Variants in PKHD1 observed in about 807,000 individuals in gnomAD.
PKHD1 encodes PKHD1 ciliary IPT domain containing fibrocystin/polyductin.
Under a neutral mutation model 412.0 loss-of-function variants are expected in PKHD1, and 291 were observed. The ratio of observed to expected loss-of-function variants is 0.71; its 90% confidence interval spans 0.64 to 0.78. The LOEUF (loss-of-function observed/expected upper bound fraction) is 0.78. PKHD1 is among the 30% of genes least tolerant of loss of function. The pLI is 0.00. For synonymous variants in PKHD1, 1,777 were observed against 1,821.5 expected (o/e 0.98, Z 0.62); for missense variants, 4,825 against 4,950.7 (o/e 0.97, Z 0.76).
chr6:51,839,916 T>C (rs1361641882), intron 50 of PKHD1, among the ~76,000 whole-genome samples: 1 of 151,996 alleles, frequency 6.6e-6, no homozygotes, highest in Non-Finnish European at 1.5e-5. Context: ...TCTGCAAATG[T>C]CATGCAGTCC....
chr6:51,631,876 G>GCCCTCTCC (rs1192519760), intron 65 of PKHD1, among the ~76,000 whole-genome samples: 2 of 148,348 alleles, frequency 1.3e-5, no homozygotes, highest in Non-Finnish European at 3.0e-5. Flanking sequence ...AACAAACTAA[G>GCCCTCTCC]CCCTCTCCCC....
In PKHD1 at chr6:52,058,574, TG is replaced by T; in HGVS notation, c.1260del (p.Thr421LeufsTer41). The T allele has an allele frequency of 6.2e-7, 1 of 1,614,146 alleles. No individual in the cohort carries two copies. Among genetic ancestry groups the T allele is most frequent in the South Asian group, 1.1e-5 (1 of 91,088 alleles). On this transcript the variant is annotated frameshift_variant, in exon 16 of 67. Coordinates refer to ENST00000371117, the MANE Select transcript of PKHD1 (RefSeq NM_138694.4). LOFTEE classifies it high-confidence loss of function. ...TKVKVASISV[G>X]TADWFDSWEQ... is the part of the protein sequence containing the mutation. ...TCCCAGGAGTCAAACCAGTCAGCAG[TG>T]CCGACGCTGATGGAGGCCACTTTCA...
intron 3 of PKHD1, 99 bp from the exon 4 acceptor site, chr6:52,082,641 A>G: frequency 1.7e-6 from 2 of 1,191,000 alleles, no homozygotes; most frequent in Non-Finnish European, 2.5e-6. Context: ...TAAGACATTA[A>G]ATTTGCCCAA....
intron 19 of PKHD1, 45 bp from the exon 20 acceptor site, chr6:52,054,210 C>T (rs1807342652): frequency 5.0e-6 from 8 of 1,605,302 alleles, no homozygotes; most frequent in Non-Finnish European, 6.0e-6. Flanking sequence ...GTGCAAGAAG[C>T]AGTCATTCAA....
In PKHD1 at chr6:51,831,007, A is replaced by G; in HGVS notation, c.8174-18T>C. ...GGTAGAAGCTAGAAAATAAAAAAAA[A>G]TTTTGAAAATCTAATCCATTGTGAT... On this transcript the variant is annotated intron_variant, in intron 51 of 66. Coordinates refer to ENST00000371117, the MANE Select transcript of PKHD1 (RefSeq NM_138694.4). The G allele has an allele frequency of 6.2e-7, 1 of 1,602,284 alleles. No individual in the cohort carries two copies. The highest frequency in any genetic ancestry group is 2.2e-5 in the East Asian group (1 of 44,590).
intron 61 of PKHD1, among the ~76,000 whole-genome samples, chr6:51,651,947 G>A (rs181331586): frequency 5.9e-5 from 9 of 152,152 alleles, no homozygotes; most frequent in Admixed American, 3.9e-4. Context: ...CTGGAGTGAT[G>A]TCCAAACATC....
In PKHD1 at chr6:52,046,003, C is replaced by A; in HGVS notation, c.2592+1G>T. The A allele has an allele frequency of 1.2e-6, 2 of 1,609,318 alleles. No individual in the cohort carries two copies. The highest frequency in any genetic ancestry group is 1.1e-5 in the South Asian group (1 of 90,936). On this transcript the variant is annotated splice_donor_variant, in intron 24 of 66. Transcript: ENST00000371117. LOFTEE classifies it high-confidence loss of function. ...GCCACTAGAAGGGATACTATACATA[C>A]CCTGATAAAATTGGGCAAATCCCCA...
intron 65 of PKHD1, among the ~76,000 whole-genome samples, chr6:51,628,690 A>T (rs1308372195): frequency 6.6e-6 from 1 of 152,196 alleles, no homozygotes; most frequent in Non-Finnish European, 1.5e-5. Context: ...CATTCCCACC[A>T]ACAGTGTATC....
At chr6:51,786,336 C>T (rs1055145110) in intron 53 of PKHD1, among the ~76,000 whole-genome samples, 4 of 152,194 alleles carry the variant, frequency 2.6e-5, no homozygotes, top group African/African-American at 9.7e-5. Flanking sequence ...CCTTACTTCA[C>T]TCCCTGACGA....
chr6:51,634,719 G>A (rs1171869060), intron 64 of PKHD1, among the ~76,000 whole-genome samples: 1 of 152,108 alleles, frequency 6.6e-6, no homozygotes, highest in Non-Finnish European at 1.5e-5. Flanking sequence ...GTATCTGAGG[G>A]GACTCTGAAG....
intron 60 of PKHD1, among the ~76,000 whole-genome samples, chr6:51,689,137 G>T (rs1777832512): frequency 6.6e-6 from 1 of 152,186 alleles, no homozygotes; most frequent in Non-Finnish European, 1.5e-5. Flanking sequence ...CACATCAAAA[G>T]CTTATCCATC....
At chr6:52,055,919 C>A (rs1807658028) in intron 18 of PKHD1, among the ~76,000 whole-genome samples, 190 bp from the exon 19 acceptor site, 1 of 152,218 alleles carries the variant, frequency 6.6e-6, no homozygotes, top group Non-Finnish European at 1.5e-5. Flanking sequence ...CTAACTCCCC[C>A]AGCATCCTTG....
chr6:51,868,219 T>G, intron 47 of PKHD1, 110 bp from the exon 48 acceptor site: 1 of 1,014,332 alleles, frequency 9.9e-7, no homozygotes. Flanking sequence ...GTTTTACAAT[T>G]CACCTATTCA....
chr6:51,892,223 G>T (rs1779227622), intron 43 of PKHD1, among the ~76,000 whole-genome samples: 1 of 152,154 alleles, frequency 6.6e-6, no homozygotes, highest in African/African-American at 2.4e-5. Flanking sequence ...CTACCACAGG[G>T]TGCTCACCAA....
chr6:51,717,001 G>A (rs1240881371), intron 60 of PKHD1, among the ~76,000 whole-genome samples: 2 of 152,180 alleles, frequency 1.3e-5, no homozygotes, highest in Non-Finnish European at 2.9e-5. Flanking sequence ...AACTGTGTTA[G>A]GTGTTGCACT....
rs1439856697 is a variant in PKHD1, at chr6:51,635,871, GGGGC to G, written c.11506+2974_11506+2977del. Among the ~76,000 whole-genome samples the G allele has an allele frequency of 2.3e-3, 255 of 111,380 alleles. 4 individuals are homozygous for G. Among genetic ancestry groups the G allele is most frequent in the African/African-American group, 7.6e-3 (235 of 30,944 alleles). 73.1% of individuals were successfully genotyped at this position (111,380 alleles called of 152,430 possible). A position where few individuals can be genotyped will look rare whatever the true frequency, so the allele number is the denominator to read the frequency against. ...TTGTGGTGAAGGTGGGGGGGGGCGG[GGGGC>G]CGGGGGCGGATTTGTGGGTGATACC... On this transcript the variant is annotated intron_variant, in intron 64 of 66. Transcript: ENST00000371117.
chr6:51,799,394 T>C (rs189360922), intron 52 of PKHD1, among the ~76,000 whole-genome samples: 1 of 152,306 alleles, frequency 6.6e-6, no homozygotes, highest in East Asian at 1.9e-4. Context: ...CATGAGTAAG[T>C]CATGTTTCCC....
intron 43 of PKHD1, 53 bp downstream of exon 43, chr6:51,903,544 A>C: frequency 6.4e-7 from 1 of 1,561,824 alleles, no homozygotes; most frequent in Non-Finnish European, 8.8e-7. Flanking sequence ...TGATTGAGAA[A>C]GAACTTTATG....
At chr6:51,726,527 T>G (rs1782590352) in intron 60 of PKHD1, among the ~76,000 whole-genome samples, 2 of 152,220 alleles carry the variant, frequency 1.3e-5, no homozygotes, top group Admixed American at 6.5e-5. Flanking sequence ...CCACATGAAC[T>G]GACCTCTGTT....
Sources: gnomAD v4.1 joint callset for allele counts (sites outside exome capture counted in the v4.1 genomes callset) on GRCh38, gnomAD v4.1.1 for gene constraint, MANE v1.5 for transcripts, NCBI Gene and HGNC (gene_info 2026-07-23, HGNC 2026-07-21) for gene names.